Variants in OTOA observed in about 807,000 individuals in gnomAD.
OTOA encodes cancer/testis antigen 108.
A neutral mutation model predicts 110.8 loss-of-function variants in OTOA; 70 were observed. That is an observed-to-expected ratio of 0.63 (90% CI 0.52 to 0.77). The LOEUF is 0.77. Ranked by LOEUF, OTOA falls within the 30% of genes least tolerant of loss-of-function variation. The probability of loss-of-function intolerance (pLI) is 0.00; values close to 1 mark genes in which losing one functional copy is unlikely to be tolerated. For missense variants in OTOA, 917 were observed against 1,075.8 expected (o/e 0.85, Z 2.06); for synonymous variants, 373 against 431.5 (o/e 0.86, Z 1.68).
chr16:21,701,154 A>G, intron 11 of OTOA, 127 bp downstream of exon 11: 2 of 1,402,578 alleles, frequency 1.4e-6, no homozygotes, highest in South Asian at 1.2e-5. Context: ...GAATAGTCCC[A>G]TATTTCTCTG....
intron 8 of OTOA, among the ~76,000 whole-genome samples, chr16:21,690,708 G>A (rs181842169): frequency 6.6e-4 from 100 of 152,102 alleles, no homozygotes; most frequent in Non-Finnish European, 1.2e-3. Flanking sequence ...GTATATACCC[G>A]ATAATGGGAT....
chr16:21,716,526 A>C (rs1449083057), intron 14 of OTOA, among the ~76,000 whole-genome samples: 1 of 152,132 alleles, frequency 6.6e-6, no homozygotes, highest in Admixed American at 6.5e-5. Flanking sequence ...AGCCAATATC[A>C]TGCCACTGAA....
At chr16:21,705,526 T>C (rs1209436201) in intron 12 of OTOA, 3 of 622,274 alleles carry the variant, frequency 4.8e-6, no homozygotes, top group Middle Eastern at 4.6e-4. Flanking sequence ...GAAAGCTGTC[T>C]CAGCCAGGCG....
rs139573928 is a variant in OTOA, at chr16:21,759,991, G to A, written c.3350-479G>A. Among the ~76,000 whole-genome samples, 90 of 151,954 alleles carry A rather than the reference G, an allele frequency of 5.9e-4. 1 individual carries two copies. The East Asian group carries it at 0.016, about 28-fold the overall frequency. ...ACAGCAGTGTCAGAAAGTGATGAGG[G>A]CCCCTTAAAAAGATGTTTCCTGCAT... On this transcript the variant is annotated intron_variant, in intron 28 of 28. Coordinates refer to ENST00000646100, the MANE Select transcript of OTOA (RefSeq NM_144672.4).
At chr16:21,725,347 C>T (rs1303428152) in intron 18 of OTOA, among the ~76,000 whole-genome samples, 1 of 152,026 alleles carries the variant, frequency 6.6e-6, no homozygotes, top group Non-Finnish European at 1.5e-5. Context: ...TGCAGTGGTG[C>T]GATCTCAGCT....
chr16:21,668,752 G>A (rs991169622), intron 1 of OTOA, among the ~76,000 whole-genome samples: 6 of 151,966 alleles, frequency 3.9e-5, no homozygotes, highest in African/African-American at 7.3e-5. Context: ...GTGAGCCACC[G>A]TGCCCAGACA....
chr16:21,712,446 T>C (rs1209772368), intron 13 of OTOA, among the ~76,000 whole-genome samples: 1 of 152,006 alleles, frequency 6.6e-6, no homozygotes, highest in Non-Finnish European at 1.5e-5. Context: ...GTACCTCCCA[T>C]GCAGCTTGAA....
At chr16:21,731,572 A>G (rs1171614815) in intron 21 of OTOA, among the ~76,000 whole-genome samples, 6 of 152,206 alleles carry the variant, frequency 3.9e-5, no homozygotes, top group African/African-American at 4.8e-5. Context: ...CAAAAAAGGG[A>G]AGGGATAAGT....
intron 17 of OTOA, chr16:21,721,526 G>A (rs1898742182): frequency 2.2e-6 from 1 of 455,416 alleles, no homozygotes; most frequent in Non-Finnish European, 4.4e-6. Flanking sequence ...TAATACTGAG[G>A]TGAGCAACTG....
At position 21,717,042 on chromosome 16, in the gene OTOA, A is replaced by G. The variant is rs1321694857; in HGVS notation, c.1624A>G (p.Ser542Gly). The change falls in exon 15 of 29, where the codon AGC (serine) becomes GGC (glycine). Residue 542 changes from serine to glycine, a missense_variant. By Grantham distance (56) the Ser-to-Gly change is moderately conservative. This residue lies in a region of OTOA where 840 missense variants were observed against 910.2 expected (regional missense o/e 0.92). Coordinates refer to ENST00000646100, the MANE Select transcript of OTOA (RefSeq NM_144672.4). ...CCTGAAGGATAAGGAACTTGGAAGGAGCCAGGTATTACCATGAAACACAGA... is the reference window on the plus strand; with the variant it reads ...CCTGAAGGATAAGGAACTTGGAAGGGGCCAGGTATTACCATGAAACACAGA... The part of the protein sequence containing the change: ...TVLKDKELGR[S>G]QALFLYELLL... 6.2e-7 allele frequency: 1 copy of G among 1,614,090 alleles called. No individual in the cohort carries two copies. The highest frequency in any genetic ancestry group is 1.3e-5 in the African/African-American group (1 of 75,022).
intron 6 of OTOA, 33 bp from the exon 7 acceptor site, chr16:21,685,197 T>C: frequency 6.2e-7 from 1 of 1,608,260 alleles, no homozygotes; most frequent in Non-Finnish European, 8.5e-7. Flanking sequence ...GCTCTTTCTG[T>C]TCTCACCGAC....
intron 12 of OTOA, among the ~76,000 whole-genome samples, chr16:21,706,306 C>G (rs1182762249): frequency 6.6e-6 from 1 of 152,160 alleles, no homozygotes; most frequent in Non-Finnish European, 1.5e-5. Flanking sequence ...GCACTTCCAA[C>G]AAGCTTCCAG....
At chr16:21,737,963 A>T (rs1458625744) in intron 22 of OTOA, among the ~76,000 whole-genome samples, 1 of 152,310 alleles carries the variant, frequency 6.6e-6, no homozygotes. Context: ...TTCGTTAAGC[A>T]CCAATTTTGT....
At chr16:21,694,095 A>G (rs1421289858) in intron 9 of OTOA, among the ~76,000 whole-genome samples, 2 of 152,132 alleles carry the variant, frequency 1.3e-5, no homozygotes, top group Non-Finnish European at 2.9e-5. Flanking sequence ...CATAATTTTC[A>G]TGTGTCACCA....
At chr16:21,695,337 G>C (rs1463754677) in intron 9 of OTOA, among the ~76,000 whole-genome samples, 1 of 150,934 alleles carries the variant, frequency 6.6e-6, no homozygotes, top group Non-Finnish European at 1.5e-5. Context: ...AGTGAGCTAT[G>C]ATCATCCAAC....
Position 21,669,570 on chromosome 16 carries a change from A to G in OTOA, c.-5+5338A>G, listed in dbSNP as rs145625631. On this transcript the variant is annotated intron_variant, in intron 1 of 28. Coordinates refer to ENST00000646100, the MANE Select transcript of OTOA (RefSeq NM_144672.4). ...ATCCTTCCCTAAACTTGGAACTCCTATGGTTTTCCCATCTCCCTCTCTACA... is the reference window on the plus strand; with the variant it reads ...ATCCTTCCCTAAACTTGGAACTCCTGTGGTTTTCCCATCTCCCTCTCTACA... 3.2e-3 allele frequency among the ~76,000 whole-genome samples: 488 copies of G among 152,200 alleles called. 3 individuals carry two copies. The highest frequency in any genetic ancestry group is 0.011 in the African/African-American group (447 of 41,536).
intron 1 of OTOA, among the ~76,000 whole-genome samples, chr16:21,677,173 G>A (rs1295480193): frequency 6.6e-6 from 1 of 152,114 alleles, no homozygotes; most frequent in East Asian, 1.9e-4. Flanking sequence ...AAATCTTTGT[G>A]TAGACATGTT....
At chr16:21,684,477 G>A in intron 6 of OTOA, 1 of 1,548,300 alleles carries the variant, frequency 6.5e-7, no homozygotes, top group Non-Finnish European at 8.7e-7. Flanking sequence ...TGGGCACAGT[G>A]CCATCTGGGG....
At chr16:21,716,714 T>TA (rs572666168) in intron 14 of OTOA, among the ~76,000 whole-genome samples, 193 bp from the exon 15 acceptor site, 11 of 152,218 alleles carry the variant, frequency 7.2e-5, no homozygotes, top group Admixed American at 7.2e-4. Flanking sequence ...GAATGTCACT[T>TA]ACTGACTTTC....
Sources: allele counts gnomAD v4.1 joint callset (sites outside exome capture counted in the v4.1 genomes callset), GRCh38; gene constraint gnomAD v4.1.1; regional missense constraint gnomAD v4.1.1; transcripts MANE v1.5; gene names NCBI Gene and HGNC (gene_info 2026-07-23, HGNC 2026-07-21).